Variants in PTPRG observed in about 807,000 individuals in gnomAD.
PTPRG encodes the protein receptor-type tyrosine-protein phosphatase gamma.
PTPRG carries 102 observed loss-of-function variants against 165.3 expected under a neutral mutation model. That is an observed-to-expected ratio of 0.62 (90% CI 0.53 to 0.73). The LOEUF is 0.73. Ranked by LOEUF, PTPRG falls within the 30% of genes least tolerant of loss-of-function variation. The probability of loss-of-function intolerance (pLI) is 0.00; values close to 1 mark genes in which losing one functional copy is unlikely to be tolerated. For missense variants in PTPRG, 1,866 were observed against 1,861.4 expected, an observed-to-expected ratio of 1.00 and a Z score of -0.05; for synonymous variants, 675 against 669.5, an observed-to-expected ratio of 1.01 and a Z score of -0.13.
chr3:61,849,492 CAG>C (rs1045359448), intron 2 of PTPRG, among the ~76,000 whole-genome samples: 45 of 152,290 alleles, frequency 3.0e-4, no homozygotes, highest in African/African-American at 9.4e-4. Context: ...TGAAATAAAA[CAG>C]AGTCTCGCAC....
At chr3:62,085,000 T>TA (rs1297779715) in intron 5 of PTPRG, among the ~76,000 whole-genome samples, 2 of 152,148 alleles carry the variant, frequency 1.3e-5, no homozygotes, top group Non-Finnish European at 2.9e-5. Context: ...CTACAAATTA[T>TA]AAAAAATAGG....
chr3:61,786,459 G>T (rs1324266397), intron 2 of PTPRG, among the ~76,000 whole-genome samples: 2 of 152,102 alleles, frequency 1.3e-5, no homozygotes, highest in African/African-American at 4.8e-5. Context: ...GCTAGTTATG[G>T]TTCTTTATCT....
intron 14 of PTPRG, among the ~76,000 whole-genome samples, chr3:62,238,440 T>A (rs1453296765): frequency 1.3e-5 from 2 of 152,162 alleles, no homozygotes; most frequent in African/African-American, 4.8e-5. Context: ...ATCATTATTA[T>A]TAATAATATT....
At chr3:62,082,536 A>G (rs1426380105) in intron 5 of PTPRG, among the ~76,000 whole-genome samples, 1 of 152,178 alleles carries the variant, frequency 6.6e-6, no homozygotes, top group Non-Finnish European at 1.5e-5. Context: ...AGTAATCGAG[A>G]TGTGTCTAGT....
intron 4 of PTPRG, among the ~76,000 whole-genome samples, chr3:62,017,790 C>A (rs984234076): frequency 2.0e-5 from 3 of 152,102 alleles, no homozygotes; most frequent in Non-Finnish European, 4.4e-5. Flanking sequence ...CCATTACATC[C>A]ACATATCAAG....
intron 1 of PTPRG, among the ~76,000 whole-genome samples, chr3:61,583,286 T>A (rs1700349504): frequency 6.6e-6 from 1 of 152,154 alleles, no homozygotes; most frequent in Admixed American, 6.5e-5. Context: ...TGAGGCATTG[T>A]CCATGGAGAC....
intron 2 of PTPRG, among the ~76,000 whole-genome samples, chr3:61,920,238 A>G (rs2039044254): frequency 6.6e-6 from 1 of 152,180 alleles, no homozygotes; most frequent in South Asian, 2.1e-4. Context: ...AAGACAGTCC[A>G]GAGTCTTTCC....
chr3:61,927,420 A>G (rs992549223), intron 2 of PTPRG, among the ~76,000 whole-genome samples: 1 of 152,124 alleles, frequency 6.6e-6, no homozygotes, highest in Admixed American at 6.5e-5. Context: ...TTAACTGTGG[A>G]GAGAGGCCTA....
At chr3:62,216,827 TCA>T (rs1700522736) in intron 12 of PTPRG, among the ~76,000 whole-genome samples, 1 of 152,162 alleles carries the variant, frequency 6.6e-6, no homozygotes, top group South Asian at 2.1e-4. Flanking sequence ...CTCCTCCCTC[TCA>T]TTCTTGAACT....
chr3:61,816,904 T>G (rs1233308482), intron 2 of PTPRG, among the ~76,000 whole-genome samples: 1 of 148,876 alleles, frequency 6.7e-6, no homozygotes, highest in African/African-American at 2.5e-5. Flanking sequence ...AGGGATAATT[T>G]ACTGGTAAAA....
intron 2 of PTPRG, among the ~76,000 whole-genome samples, chr3:61,885,096 A>T (rs2037991603): frequency 6.6e-6 from 1 of 152,200 alleles, no homozygotes; most frequent in Non-Finnish European, 1.5e-5. Flanking sequence ...GCCAATTTGA[A>T]AATCGTGCTC....
chr3:61,588,125 C>G (rs1219107244), intron 1 of PTPRG, among the ~76,000 whole-genome samples: 1 of 152,116 alleles, frequency 6.6e-6, no homozygotes, highest in Non-Finnish European at 1.5e-5. Context: ...TAGACTCTCC[C>G]TCACTTTGGA....
At chr3:62,275,851 T>C (rs1160778960) in intron 23 of PTPRG, 22 bp from the exon 24 acceptor site, 1 of 1,557,958 alleles carries the variant, frequency 6.4e-7, no homozygotes, top group Non-Finnish European at 8.8e-7. Flanking sequence ...GAATGAAGAC[T>C]AAAATGTTTT....
At chr3:61,619,350 G>A (rs2106894287) in intron 1 of PTPRG, among the ~76,000 whole-genome samples, 1 of 152,206 alleles carries the variant, frequency 6.6e-6, no homozygotes, top group East Asian at 1.9e-4. Flanking sequence ...CCAGTGGTTT[G>A]TAACTGAGGG....
intron 5 of PTPRG, among the ~76,000 whole-genome samples, chr3:62,119,675 C>T (rs776937376): frequency 1.3e-5 from 2 of 151,594 alleles, no homozygotes; most frequent in Non-Finnish European, 2.9e-5. Flanking sequence ...GGCTGCAGTG[C>T]AGTGGCACAG....
intron 26 of PTPRG, among the ~76,000 whole-genome samples, chr3:62,278,501 G>C (rs1310391014): frequency 1.3e-5 from 2 of 151,906 alleles, no homozygotes; most frequent in African/African-American, 4.8e-5. Flanking sequence ...GAATTAGCTG[G>C]GTCTATAAAA....
intron 2 of PTPRG, among the ~76,000 whole-genome samples, chr3:61,755,067 C>T (rs1575636900): frequency 6.6e-6 from 1 of 151,544 alleles, no homozygotes; most frequent in South Asian, 2.1e-4. Flanking sequence ...CCGCCTGTCG[C>T]CCTGATCTCA....
chr3:62,223,115 T>C (rs1700686761), intron 13 of PTPRG, among the ~76,000 whole-genome samples: 1 of 151,960 alleles, frequency 6.6e-6, no homozygotes. Context: ...TCAGTGTTGT[T>C]GGAGCAGAGT....
Position 62,292,575 on chromosome 3 carries a change from T to C in PTPRG, c.4191+19T>C. ...AGACATTGTAAGTAGTTTGCTTATG[T>C]GTAAAACCTGTACTACATCAGTTGA... On this transcript the variant is annotated intron_variant, in intron 29 of 29. Coordinates refer to ENST00000474889, the MANE Select transcript of PTPRG (RefSeq NM_002841.4). The C allele has an allele frequency of 6.2e-7, 1 of 1,610,942 alleles. No homozygotes were observed.
Sources: allele counts gnomAD v4.1 joint callset (sites outside exome capture counted in the v4.1 genomes callset), GRCh38; gene constraint gnomAD v4.1.1; transcripts MANE v1.5; gene names NCBI Gene and HGNC (gene_info 2026-07-23, HGNC 2026-07-21).